Variants in ITGA8 observed in about 807,000 individuals in gnomAD.
ITGA8 encodes the protein integrin alpha-8.
In ITGA8, 91 loss-of-function variants were observed where a neutral mutation model predicts 142.3. The ratio of observed to expected loss-of-function variants is 0.64; its 90% CI spans 0.54 to 0.76. ITGA8 has a LOEUF of 0.76. Among genes scored for constraint, ITGA8 ranks in the 30% least tolerant of loss-of-function variants. The pLI is 0.00. For missense variants in ITGA8, 1,406 were observed against 1,327.7 expected, an observed-to-expected ratio of 1.06 and a Z score of -0.92; for synonymous variants, 505 against 485.2, an observed-to-expected ratio of 1.04 and a Z score of -0.54.
intron 25 of ITGA8, 150 bp downstream of exon 25, chr10:15,572,061 G>T: frequency 1.9e-6 from 1 of 538,564 alleles, no homozygotes; most frequent in Non-Finnish European, 3.0e-6. Flanking sequence ...TAGGCTTGGT[G>T]TTTTAACTAT....
chr10:15,646,811 C>A (rs1225266757), intron 12 of ITGA8, 35 bp downstream of exon 12: 1 of 1,533,436 alleles, frequency 6.5e-7, no homozygotes, highest in East Asian at 2.3e-5. Context: ...GTGGTGACGA[C>A]ACATAAATGA....
At chr10:15,562,453 TG>T (rs1834001223) in intron 25 of ITGA8, among the ~76,000 whole-genome samples, 1 of 152,134 alleles carries the variant, frequency 6.6e-6, no homozygotes, top group African/African-American at 2.4e-5. Flanking sequence ...CAGGAGGTTA[TG>T]GGGGCTTGTA....
At chr10:15,708,507 A>G (rs973526041) in intron 2 of ITGA8, among the ~76,000 whole-genome samples, 2 of 152,190 alleles carry the variant, frequency 1.3e-5, no homozygotes, top group African/African-American at 4.8e-5. Context: ...GTGTCTATTC[A>G]TAAGTGAAGG....
chr10:15,716,443 A>T (rs985627661), intron 2 of ITGA8, among the ~76,000 whole-genome samples: 1 of 152,148 alleles, frequency 6.6e-6, no homozygotes, highest in Admixed American at 6.5e-5. Flanking sequence ...TCCAAGTAAC[A>T]CTGACATTTT....
At chr10:15,699,975 A>G (rs898422935) in intron 2 of ITGA8, among the ~76,000 whole-genome samples, 6 of 151,968 alleles carry the variant, frequency 3.9e-5, no homozygotes, top group African/African-American at 1.5e-4. Context: ...GTGCCAGTTT[A>G]TATTCTTTGC....
At chr10:15,533,629 T>C (rs919834134) in intron 27 of ITGA8, among the ~76,000 whole-genome samples, 1 of 152,120 alleles carries the variant, frequency 6.6e-6, no homozygotes, top group East Asian at 1.9e-4. Flanking sequence ...AATAAAAAAT[T>C]GATAGAAAAT....
At chr10:15,589,336 C>T (rs1832883745) in intron 22 of ITGA8, among the ~76,000 whole-genome samples, 2 of 152,154 alleles carry the variant, frequency 1.3e-5, no homozygotes, top group Non-Finnish European at 2.9e-5. Context: ...GGAAGAAACT[C>T]TGAGGACAGT....
At chr10:15,661,028 G>A in intron 8 of ITGA8, 106 bp from the exon 9 acceptor site, 1 of 1,057,312 alleles carries the variant, frequency 9.5e-7, no homozygotes, top group Non-Finnish European at 1.4e-6. Flanking sequence ...TAAAATGAGT[G>A]GCTATCATAC....
chr10:15,615,143 C>A (rs564413258), intron 14 of ITGA8, among the ~76,000 whole-genome samples: 1 of 152,320 alleles, frequency 6.6e-6, no homozygotes, highest in East Asian at 1.9e-4. Context: ...AAAACAAGGC[C>A]TTGGCATGAA....
At chr10:15,614,995 T>A (rs1419220430) in intron 14 of ITGA8, among the ~76,000 whole-genome samples, 1 of 152,138 alleles carries the variant, frequency 6.6e-6, no homozygotes, top group Non-Finnish European at 1.5e-5. Flanking sequence ...GACAGAGGAC[T>A]GGGTAAGAAA....
chr10:15,645,634 T>A (rs1185158520), intron 12 of ITGA8, among the ~76,000 whole-genome samples: 1 of 152,120 alleles, frequency 6.6e-6, no homozygotes, highest in East Asian at 1.9e-4. Flanking sequence ...AACAGAAACA[T>A]TGGCCAAATA....
At chr10:15,613,209 G>A (rs569354814) in intron 15 of ITGA8, among the ~76,000 whole-genome samples, 124 of 149,252 alleles carry the variant, frequency 8.3e-4, no homozygotes, top group Middle Eastern at 3.5e-3. Context: ...AAATAAACAG[G>A]ACATTATATG....
At chr10:15,703,556 T>A (rs964052848) in intron 2 of ITGA8, among the ~76,000 whole-genome samples, 1 of 152,320 alleles carries the variant, frequency 6.6e-6, no homozygotes, top group Middle Eastern at 3.4e-3. Flanking sequence ...AGGGAAATGA[T>A]AAGTTATCTG....
intron 2 of ITGA8, among the ~76,000 whole-genome samples, chr10:15,711,175 T>G (rs1041781813): frequency 2.0e-5 from 3 of 152,212 alleles, no homozygotes; most frequent in African/African-American, 7.2e-5. Flanking sequence ...GATATTCTTA[T>G]GCAACGTGTT....
At chr10:15,614,083 A>C (rs1319129940) in intron 14 of ITGA8, among the ~76,000 whole-genome samples, 1 of 152,232 alleles carries the variant, frequency 6.6e-6, no homozygotes, top group African/African-American at 2.4e-5. Flanking sequence ...TATTGCTGTG[A>C]AATATTGCTC....
chr10:15,695,227 A>G (rs1321635074), intron 2 of ITGA8, among the ~76,000 whole-genome samples: 1 of 152,138 alleles, frequency 6.6e-6, no homozygotes, highest in Non-Finnish European at 1.5e-5. Context: ...TATCCAATCC[A>G]GGGATTATAA....
At chr10:15,694,574 A>G (rs1471302051) in intron 2 of ITGA8, among the ~76,000 whole-genome samples, 1 of 138,588 alleles carries the variant, frequency 7.2e-6, no homozygotes, top group Non-Finnish European at 1.5e-5. Flanking sequence ...AATATATAAA[A>G]TATATAAAAT....
intron 13 of ITGA8, among the ~76,000 whole-genome samples, chr10:15,634,184 G>A (rs1396154702): frequency 6.6e-6 from 1 of 151,814 alleles, no homozygotes; most frequent in Admixed American, 6.6e-5. Context: ...TCATTATTTT[G>A]TACCCTCTTA....
rs746557155 is a variant in ITGA8, at chr10:15,719,719, G to A, written c.53C>T (p.Ala18Val). The A allele has an allele frequency of 7.9e-6, 11 of 1,394,744 alleles. No individual in the cohort carries two copies. Among genetic ancestry groups the A allele is most frequent in the Non-Finnish European group, 1.0e-5 (11 of 1,081,602 alleles). The allele number at this position is 1,394,744 out of a possible 1,614,324, so 86.4% of individuals were successfully genotyped here. ...GPRGSQAPLI[A>V]PLCCAAAALG... ...CGCGGCCGCGGCGCAGCAGAGGGGCGCGATCAGCGGCGCCTGGCTTCCCCG... is the reference window on the plus strand; with the variant it reads ...CGCGGCCGCGGCGCAGCAGAGGGGCACGATCAGCGGCGCCTGGCTTCCCCG... Residue 18 changes from alanine to valine, a missense_variant, in exon 1 of 30, where the codon GCG becomes GTG. Transcript: ENST00000378076.
Sources: gnomAD v4.1 joint callset for allele counts (sites outside exome capture counted in the v4.1 genomes callset) on GRCh38, gnomAD v4.1.1 for gene constraint, MANE v1.5 for transcripts, NCBI Gene and HGNC (gene_info 2026-07-23, HGNC 2026-07-21) for gene names.